The following LRRIQ3 variants were observed in gnomAD, a reference collection of about 807,000 sequenced individuals.
LRRIQ3 encodes the protein leucine-rich repeat and IQ domain-containing protein 3.
LRRIQ3 carries 75 observed loss-of-function variants against 59.3 expected under a neutral mutation model. The ratio of observed to expected loss-of-function variants is 1.26; its 90% CI spans 1.05 to 1.53. The LOEUF is 1.53. Among genes scored for constraint, LRRIQ3 ranks in the 40% most tolerant of loss-of-function variants. The pLI is 0.00. For synonymous variants in LRRIQ3, 250 were observed against 231.3 expected, an observed-to-expected ratio of 1.08 and a Z score of -0.73; for missense variants, 831 against 710.0, an observed-to-expected ratio of 1.17 and a Z score of -1.94.
At chr1:74,171,657 A>C (rs1199929512) in intron 3 of LRRIQ3, among the ~76,000 whole-genome samples, 2 of 152,182 alleles carry the variant, frequency 1.3e-5, no homozygotes, top group African/African-American at 2.4e-5. Context: ...TGGACTTATA[A>C]CATGAGTTTA....
At chr1:74,172,834 G>T (rs1007075600) in intron 3 of LRRIQ3, among the ~76,000 whole-genome samples, 7 of 151,986 alleles carry the variant, frequency 4.6e-5, no homozygotes, top group African/African-American at 1.7e-4. Context: ...TTTGTCTTTT[G>T]TAAGTTTTTT....
chr1:74,152,190 A>G (rs1301505382), intron 4 of LRRIQ3, among the ~76,000 whole-genome samples: 2 of 152,030 alleles, frequency 1.3e-5, no homozygotes, highest in African/African-American at 4.8e-5. Flanking sequence ...TGAGAAAAAA[A>G]TCAGTATTTA....
chr1:74,084,020 A>T, intron 5 of LRRIQ3: 3 of 553,174 alleles, frequency 5.4e-6, no homozygotes, highest in Non-Finnish European at 9.1e-6. Flanking sequence ...AGCTTGAGTG[A>T]ATTACTAAGT....
intron 5 of LRRIQ3, among the ~76,000 whole-genome samples, chr1:74,075,790 A>G (rs1646199886): frequency 6.6e-6 from 1 of 152,130 alleles, no homozygotes; most frequent in Non-Finnish European, 1.5e-5. Context: ...AGGCTCTTTC[A>G]AAATTCCTTT....
At chr1:74,131,558 A>C (rs1647020475) in intron 4 of LRRIQ3, among the ~76,000 whole-genome samples, 1 of 152,230 alleles carries the variant, frequency 6.6e-6, no homozygotes, top group Non-Finnish European at 1.5e-5. Context: ...CTGGGATTCA[A>C]GGCTGGTTCA....
At chr1:74,079,545 T>A (rs1646249299) in intron 5 of LRRIQ3, among the ~76,000 whole-genome samples, 1 of 151,834 alleles carries the variant, frequency 6.6e-6, no homozygotes, top group Admixed American at 6.6e-5. Context: ...CTTGTTTTAT[T>A]TATAACATTT....
intron 6 of LRRIQ3, among the ~76,000 whole-genome samples, chr1:74,050,887 A>G (rs944536565): frequency 2.0e-5 from 3 of 152,164 alleles, no homozygotes; most frequent in African/African-American, 7.2e-5. Flanking sequence ...CTTAGTAGCA[A>G]ATGTTTTCAA....
chr1:74,098,972 C>T (rs1189905676), intron 5 of LRRIQ3, among the ~76,000 whole-genome samples: 2 of 152,076 alleles, frequency 1.3e-5, no homozygotes, highest in African/African-American at 2.4e-5. Context: ...AAAATTGACA[C>T]CCGAACATCA....
rs1467369786 is a variant in LRRIQ3 at position 74,060,708 on chromosome 1, T to C, written c.997+13953A>G. On this transcript the variant is annotated intron_variant, in intron 6 of 7. Coordinates refer to ENST00000354431, the MANE Select transcript of LRRIQ3 (RefSeq NM_001105659.2). ...CAGTGGGCAACATAGCAAGACCCTG[T>C]CACACACACACCAAAAAAAGGTAGG... Among the ~76,000 whole-genome samples the C allele has an allele frequency of 4.0e-5, 6 of 151,876 alleles. No homozygotes were observed. The East Asian group carries it at 5.8e-4, about 15-fold the overall frequency.
chr1:74,034,635 GACAC>G (rs10567002), intron 7 of LRRIQ3, among the ~76,000 whole-genome samples: 3,902 of 146,320 alleles, frequency 0.027, 145 homozygotes, highest in African/African-American at 0.088. Flanking sequence ...AGCACACACA[GACAC>G]ACACACACAC....
At chr1:74,038,504 A>G (rs953533680) in intron 7 of LRRIQ3, among the ~76,000 whole-genome samples, 5 of 152,330 alleles carry the variant, frequency 3.3e-5, no homozygotes, top group Admixed American at 6.5e-5. Context: ...GTGCCACTCA[A>G]CTGGGTGAGA....
At chr1:74,141,361 T>C (rs1647248384) in intron 4 of LRRIQ3, among the ~76,000 whole-genome samples, 1 of 151,808 alleles carries the variant, frequency 6.6e-6, no homozygotes, top group Non-Finnish European at 1.5e-5. Context: ...TAAGCATGGA[T>C]AGATGGCAAT....
intron 1 of LRRIQ3, among the ~76,000 whole-genome samples, chr1:74,187,029 A>G (rs925477818): frequency 6.6e-6 from 1 of 152,136 alleles, no homozygotes; most frequent in African/African-American, 2.4e-5. Flanking sequence ...AAAAAGTCAA[A>G]AAACAATAGA....
chr1:74,036,044 T>A (rs550500617), intron 7 of LRRIQ3, among the ~76,000 whole-genome samples: 1 of 152,182 alleles, frequency 6.6e-6, no homozygotes, highest in African/African-American at 2.4e-5. Context: ...AATATCTTAT[T>A]CATCTTTGTA....
chr1:74,069,174 G>C (rs985436002), intron 6 of LRRIQ3, among the ~76,000 whole-genome samples: 1 of 151,980 alleles, frequency 6.6e-6, no homozygotes, highest in Non-Finnish European at 1.5e-5. Flanking sequence ...GCACTTTCTG[G>C]AAAGTATTTG....
At chr1:74,144,233 C>T (rs1245675305) in intron 4 of LRRIQ3, among the ~76,000 whole-genome samples, 2 of 151,740 alleles carry the variant, frequency 1.3e-5, no homozygotes, top group Non-Finnish European at 2.9e-5. Context: ...AATCAGTGTC[C>T]CTTCATTTGA....
At chr1:74,033,080 T>TAATTCATTC (rs1653766889) in intron 7 of LRRIQ3, among the ~76,000 whole-genome samples, 1 of 152,036 alleles carries the variant, frequency 6.6e-6, no homozygotes, top group Non-Finnish European at 1.5e-5. Context: ...TAGAAAGCTG[T>TAATTCATTC]ACTGTTGAAG....
intron 6 of LRRIQ3, among the ~76,000 whole-genome samples, chr1:74,043,461 A>G (rs971767493): frequency 6.6e-6 from 1 of 152,124 alleles, no homozygotes; most frequent in African/African-American, 2.4e-5. Flanking sequence ...TTGGAAAAGT[A>G]AGTAAATTCT....
At chr1:74,084,109 T>C in intron 5 of LRRIQ3, 1 of 1,498,934 alleles carries the variant, frequency 6.7e-7, no homozygotes, top group Non-Finnish European at 9.0e-7. Context: ...CAAGTTTTCA[T>C]CCTGTTGTCC....
Sources: allele counts gnomAD v4.1 joint callset (sites outside exome capture counted in the v4.1 genomes callset), GRCh38; gene constraint gnomAD v4.1.1; transcripts MANE v1.5; gene names NCBI Gene and HGNC (gene_info 2026-07-23, HGNC 2026-07-21).